PLD5: variants seen among roughly 807,000 people sequenced by gnomAD.
The protein encoded by PLD5 is phospholipase D family member 5.
PLD5 carries 36 observed loss-of-function variants against 61.1 expected under a neutral mutation model. The ratio of observed to expected loss-of-function variants is 0.59; its 90% CI spans 0.45 to 0.78. The LOEUF (loss-of-function observed/expected upper bound fraction) is 0.78. PLD5 is among the 30% of genes least tolerant of loss of function. The probability of loss-of-function intolerance (pLI) is 0.00; values close to 1 mark genes in which losing one functional copy is unlikely to be tolerated. For synonymous variants in PLD5, 243 were observed against 242.8 expected (o/e 1.00, Z -0.01); for missense variants, 515 against 644.4 (o/e 0.80, Z 2.17).
intron 3 of PLD5, among the ~76,000 whole-genome samples, chr1:242,267,912 AG>A (rs1187560233): frequency 2.7e-5 from 4 of 150,432 alleles, no homozygotes; most frequent in Non-Finnish European, 5.9e-5. Context: ...AAGAGGCAGG[AG>A]GGGAGAGGGA....
chr1:242,302,150 T>C (rs932280396), intron 2 of PLD5, among the ~76,000 whole-genome samples: 5 of 152,210 alleles, frequency 3.3e-5, no homozygotes, highest in African/African-American at 7.2e-5. Context: ...AAATTGCCTG[T>C]AGTATTCAGG....
chr1:242,339,768 C>T (rs1659729351), intron 2 of PLD5, among the ~76,000 whole-genome samples: 1 of 152,118 alleles, frequency 6.6e-6, no homozygotes, highest in Non-Finnish European at 1.5e-5. Context: ...AATGAAGTCA[C>T]TTGGGGGATT....
intron 5 of PLD5, 88 bp from the exon 6 acceptor site, chr1:242,124,753 G>T: frequency 9.5e-7 from 1 of 1,056,996 alleles, no homozygotes; most frequent in Non-Finnish European, 1.4e-6. Context: ...GAATGAGGTA[G>T]TTGTGACATC....
upstream of PLD5, among the ~76,000 whole-genome samples, chr1:242,526,369 C>T (rs1479767192): frequency 1.3e-5 from 2 of 152,148 alleles, no homozygotes; most frequent in African/African-American, 4.8e-5. Flanking sequence ...CAGGGCAAGA[C>T]CCTGTCGGAG....
intron 3 of PLD5, among the ~76,000 whole-genome samples, chr1:242,272,056 A>G (rs1449959217): frequency 6.6e-6 from 1 of 152,214 alleles, no homozygotes; most frequent in Non-Finnish European, 1.5e-5. Flanking sequence ...GCTCCTCAGG[A>G]AGATAATAAT....
intron 5 of PLD5, among the ~76,000 whole-genome samples, chr1:242,172,809 C>T (rs1666846640): frequency 6.6e-6 from 1 of 151,988 alleles, no homozygotes; most frequent in African/African-American, 2.4e-5. Flanking sequence ...ACACATACAC[C>T]CTCCCAAGTC....
intron 5 of PLD5, among the ~76,000 whole-genome samples, chr1:242,176,048 C>T (rs1275940850): frequency 5.3e-5 from 8 of 152,184 alleles, no homozygotes; most frequent in Admixed American, 5.2e-4. Context: ...CCCCATCAAG[C>T]TACCATTGAC....
At chr1:242,484,523 C>T (rs374474972) in intron 1 of PLD5, among the ~76,000 whole-genome samples, 24 of 150,928 alleles carry the variant, frequency 1.6e-4, no homozygotes, top group African/African-American at 5.4e-4. Flanking sequence ...AAGTTGAATC[C>T]CTGAATAGAC....
intron 1 of PLD5, among the ~76,000 whole-genome samples, chr1:242,375,435 A>AT (rs1021067356): frequency 2.6e-5 from 4 of 152,032 alleles, no homozygotes; most frequent in South Asian, 2.1e-4. Flanking sequence ...GGAGACTTTA[A>AT]TTTTTTTTAC....
chr1:242,207,758 T>TTATATTTATA lies in PLD5; in HGVS notation c.735+12220_735+12229dup, dbSNP rs1176470106. ...ATGTTTTATATATATTTATATATATTTATATTTATATATATTTATATATAT... is the reference window on the plus strand; with the variant it reads ...ATGTTTTATATATATTTATATATATTTATATTTATATATATTTATATATATTTATATATAT... On this transcript the variant is annotated intron_variant, in intron 5 of 9. Transcript: ENST00000536534. Among the ~76,000 whole-genome samples, 44 of 55,386 alleles carry TTATATTTATA rather than the reference T, an allele frequency of 7.9e-4. 1 individual carries two copies. The highest frequency in any genetic ancestry group is 1.4e-3 in the Non-Finnish European group (43 of 31,270). 36.3% of individuals were successfully genotyped at this position (55,386 alleles called of 152,430 possible).
intron 1 of PLD5, among the ~76,000 whole-genome samples, chr1:242,462,433 A>T (rs1382600923): frequency 6.6e-6 from 1 of 152,086 alleles, no homozygotes; most frequent in Admixed American, 6.6e-5. Context: ...ACACCTCAAC[A>T]TAAAACATGG....
At chr1:242,114,104 C>T (rs994044346) in intron 6 of PLD5, 78 bp from the exon 7 acceptor site, 10 of 1,492,646 alleles carry the variant, frequency 6.7e-6, no homozygotes, top group African/African-American at 5.6e-5. Flanking sequence ...TTTGTTTCCA[C>T]GGACCTTGGC....
intron 5 of PLD5, among the ~76,000 whole-genome samples, chr1:242,127,800 T>C (rs561626088): frequency 1.0e-3 from 159 of 152,242 alleles, no homozygotes; most frequent in African/African-American, 3.7e-3. Context: ...CAAAGACTTA[T>C]GGAATATAAA....
intron 3 of PLD5, among the ~76,000 whole-genome samples, chr1:242,268,886 A>C (rs1353198748): frequency 6.6e-6 from 1 of 152,152 alleles, no homozygotes; most frequent in Non-Finnish European, 1.5e-5. Flanking sequence ...TCTGTCGCCC[A>C]GACTGGGGTG....
At chr1:242,124,424 T>C in intron 6 of PLD5, 44 bp downstream of exon 6, 1 of 1,563,424 alleles carries the variant, frequency 6.4e-7, no homozygotes, top group Non-Finnish European at 8.8e-7. Flanking sequence ...AAAGAGCCTT[T>C]GGAGGAAGAA....
At chr1:242,487,395 A>T (rs994648587) in intron 1 of PLD5, among the ~76,000 whole-genome samples, 1 of 152,190 alleles carries the variant, frequency 6.6e-6, no homozygotes, top group African/African-American at 2.4e-5. Context: ...AGTTAACTCA[A>T]AGTGGATCAT....
intron 2 of PLD5, among the ~76,000 whole-genome samples, chr1:242,292,448 A>G (rs1464684976): frequency 6.6e-6 from 1 of 152,204 alleles, no homozygotes; most frequent in Non-Finnish European, 1.5e-5. Flanking sequence ...GTATAATTGT[A>G]CAATTACAGA....
At chr1:242,502,394 A>C (rs1668582505) in intron 1 of PLD5, among the ~76,000 whole-genome samples, 1 of 152,188 alleles carries the variant, frequency 6.6e-6, no homozygotes, top group Non-Finnish European at 1.5e-5. Flanking sequence ...GAATTCATGT[A>C]ACACTTGTTT....
At chr1:242,231,939 G>GAAAAAAAAAAAAAAAAAA (rs985277684) in intron 4 of PLD5, among the ~76,000 whole-genome samples, 1 of 111,722 alleles carries the variant, frequency 9.0e-6, no homozygotes, top group African/African-American at 3.1e-5. Context: ...TTAAAATAAG[G>GAAAAAAAAAAAAAAAAAA]AAAAAAAAAA....
Sources: allele counts gnomAD v4.1 joint callset (sites outside exome capture counted in the v4.1 genomes callset), GRCh38; gene constraint gnomAD v4.1.1; transcripts MANE v1.5; gene names NCBI Gene and HGNC (gene_info 2026-07-23, HGNC 2026-07-21).